The following GRK5 variants were observed in gnomAD, a reference collection of about 807,000 sequenced individuals.
GRK5 encodes the protein g protein-coupled receptor kinase GRK5.
A neutral mutation model predicts 78.4 loss-of-function variants in GRK5; 40 were observed. The observed-to-expected ratio is 0.51, with a 90% CI of 0.40 to 0.66. GRK5 has a LOEUF of 0.66. GRK5 is among the 30% of genes least tolerant of loss of function. The pLI, the probability that GRK5 is intolerant of heterozygous loss-of-function variation, is 0.00. For missense variants in GRK5, 598 were observed against 759.9 expected (o/e 0.79, Z 2.50); for synonymous variants, 289 against 296.8 (o/e 0.97, Z 0.27).
intron 2 of GRK5, among the ~76,000 whole-genome samples, chr10:119,340,299 G>T (rs1032911287): frequency 3.3e-5 from 5 of 151,960 alleles, no homozygotes; most frequent in African/African-American, 1.2e-4. Flanking sequence ...GCTAAATTTT[G>T]TATTTTTAAT....
chr10:119,409,718 C>CA (rs1195775583), intron 4 of GRK5, among the ~76,000 whole-genome samples: 49 of 152,036 alleles, frequency 3.2e-4, no homozygotes, highest in Non-Finnish European at 6.6e-4. Context: ...CCCCCTGCCC[C>CA]CCAACCCCTT....
chr10:119,390,246 G>A (rs373067758), intron 3 of GRK5, among the ~76,000 whole-genome samples: 74 of 151,664 alleles, frequency 4.9e-4, no homozygotes, highest in Non-Finnish European at 6.5e-4. Flanking sequence ...ACCCAAGACT[G>A]GGCAGTTTAC....
chr10:119,231,347 T>C (rs1420497271), intron 1 of GRK5, among the ~76,000 whole-genome samples: 3 of 151,998 alleles, frequency 2.0e-5, no homozygotes, highest in South Asian at 2.1e-4. Flanking sequence ...CAATAACTTA[T>C]AGAAAAATTA....
chr10:119,381,014 T>G, intron 3 of GRK5, 87 bp downstream of exon 3: 1 of 814,858 alleles, frequency 1.2e-6, no homozygotes, highest in Non-Finnish European at 2.1e-6. Flanking sequence ...ATCTCATGGG[T>G]TAGAAGACTG....
chr10:119,372,767 G>C (rs193028562), intron 2 of GRK5, among the ~76,000 whole-genome samples: 136 of 152,224 alleles, frequency 8.9e-4, no homozygotes, highest in African/African-American at 2.7e-3. Flanking sequence ...AGAGTTAAAG[G>C]CTTCAAATAA....
chr10:119,372,904 G>A (rs1429996023), intron 2 of GRK5, among the ~76,000 whole-genome samples: 1 of 152,246 alleles, frequency 6.6e-6, no homozygotes, highest in Admixed American at 6.5e-5. Context: ...TATAGGGGAA[G>A]GGATGACTCT....
At chr10:119,317,943 G>A (rs1275618748) in intron 1 of GRK5, among the ~76,000 whole-genome samples, 1 of 152,100 alleles carries the variant, frequency 6.6e-6, no homozygotes, top group East Asian at 1.9e-4. Flanking sequence ...AGCTCATTAA[G>A]TTACTGATGC....
At chr10:119,299,758 C>T (rs1850142714) in intron 1 of GRK5, among the ~76,000 whole-genome samples, 1 of 151,648 alleles carries the variant, frequency 6.6e-6, no homozygotes. Context: ...CTCTTGGCTC[C>T]CCCTGCAGTG....
chr10:119,238,617 C>T lies in GRK5; in HGVS notation c.52+30648C>T, dbSNP rs910629255. ...CCTTCTCTTAGACATGTAGGGTTCG[C>T]GCCGTTGACCTGAGCTTCAGTGCCA... On this transcript the variant is annotated intron_variant, in intron 1 of 15. Coordinates refer to ENST00000392870, the MANE Select transcript of GRK5 (RefSeq NM_005308.3). This position sits in a 1 kb window ranked among gnomAD's most constrained non-coding sequence, Gnocchi z 4.7. 2.6e-5 allele frequency among the ~76,000 whole-genome samples: 4 copies of T among 152,140 alleles called. No homozygotes were observed. The highest frequency in any genetic ancestry group is 7.2e-5 in the African/African-American group (3 of 41,428).
intron 2 of GRK5, among the ~76,000 whole-genome samples, chr10:119,329,420 C>A (rs904008882): frequency 6.6e-6 from 1 of 152,092 alleles, no homozygotes; most frequent in Non-Finnish European, 1.5e-5. Context: ...CCATGAGGGA[C>A]GACACAGCAG....
Position 119,452,383 on chromosome 10 carries a change from C to T in GRK5, c.1405-288C>T, listed in dbSNP as rs1470760029. ...CTCCTGTGTCACCCCAGCCAGGGTC[C>T]CCGTCATGGATCTGAGAGAGGGCTG... On this transcript the variant is annotated intron_variant, in intron 13 of 15. Coordinates refer to ENST00000392870, the MANE Select transcript of GRK5 (RefSeq NM_005308.3). This position sits in a 1 kb window ranked among gnomAD's most constrained non-coding sequence, Gnocchi z 4.4. The T allele has an allele frequency of 5.3e-6, 2 of 378,164 alleles. No individual in the cohort carries two copies. The highest frequency in any genetic ancestry group is 4.8e-5 in the East Asian group (1 of 20,662). 23.4% of individuals were successfully genotyped at this position (378,164 alleles called of 1,614,324 possible).
chr10:119,331,707 G>A (rs1051658008), intron 2 of GRK5, among the ~76,000 whole-genome samples: 3 of 152,190 alleles, frequency 2.0e-5, no homozygotes, highest in African/African-American at 7.2e-5. Context: ...GGCCCCGAAC[G>A]GTGGTCTGTT....
In GRK5 at chr10:119,430,513, TA is replaced by T; in HGVS notation, c.597+78del. On this transcript the variant is annotated intron_variant, in intron 7 of 15. Transcript: ENST00000392870. This position sits in a 1 kb window ranked among gnomAD's most constrained non-coding sequence, Gnocchi z 4.5. Reference sequence around the variant, plus strand: ...CTTTCCTGTCCCTTCTAAATCAACCTAAAGGGTTGGCCCACGGGTCCCCCGG... The same window carrying T: ...CTTTCCTGTCCCTTCTAAATCAACCTAAGGGTTGGCCCACGGGTCCCCCGG... 7.1e-7 allele frequency: 1 copy of T among 1,413,678 alleles called. No homozygotes were observed. The highest frequency in any genetic ancestry group is 2.0e-4 in the Middle Eastern group (1 of 4,978). 87.6% of individuals were successfully genotyped at this position (1,413,678 alleles called of 1,614,324 possible).
chr10:119,405,586 AG>A (rs1337163728), intron 4 of GRK5, among the ~76,000 whole-genome samples: 1 of 141,778 alleles, frequency 7.1e-6, no homozygotes, highest in Non-Finnish European at 1.5e-5. Context: ...CACCAGCGTC[AG>A]GAAGCCGAAC....
chr10:119,213,500 G>T (rs943280039), intron 1 of GRK5, among the ~76,000 whole-genome samples: 1 of 152,144 alleles, frequency 6.6e-6, no homozygotes, highest in Non-Finnish European at 1.5e-5. Context: ...GACAGAGTAA[G>T]ACTCTGTTTC....
At chr10:119,294,606 G>C (rs1165937938) in intron 1 of GRK5, among the ~76,000 whole-genome samples, 2 of 152,198 alleles carry the variant, frequency 1.3e-5, no homozygotes, top group African/African-American at 4.8e-5. Context: ...TCTAGACTCT[G>C]TGTGGCCAGG....
At chr10:119,423,662 T>C (rs1179118791) in intron 5 of GRK5, among the ~76,000 whole-genome samples, 4 of 152,194 alleles carry the variant, frequency 2.6e-5, no homozygotes, top group Non-Finnish European at 5.9e-5. Flanking sequence ...GTGGCACGTC[T>C]GCCGTGCAGG....
chr10:119,282,898 C>T (rs1335883407), intron 1 of GRK5, among the ~76,000 whole-genome samples: 9 of 152,198 alleles, frequency 5.9e-5, no homozygotes, highest in Non-Finnish European at 1.0e-4. Flanking sequence ...GAGTGACAGT[C>T]GCCCAGTTGA....
intron 3 of GRK5, among the ~76,000 whole-genome samples, chr10:119,392,349 C>T (rs1251142713): frequency 6.6e-6 from 1 of 152,226 alleles, no homozygotes; most frequent in Admixed American, 6.5e-5. Context: ...GTGGTGTCTT[C>T]CCTGTTGGCA....
Sources: gnomAD v4.1 joint callset for allele counts (sites outside exome capture counted in the v4.1 genomes callset) on GRCh38, gnomAD v4.1.1 for gene constraint, Gnocchi (gnomAD v3.1) non-coding constraint, MANE v1.5 for transcripts, NCBI Gene and HGNC (gene_info 2026-07-23, HGNC 2026-07-21) for gene names.